The following ETS1 variants were observed in gnomAD, a reference collection of about 807,000 sequenced individuals.
The protein encoded by ETS1 is ETS proto-oncogene 1, transcription factor.
A neutral mutation model predicts 58.6 loss-of-function variants in ETS1; 15 were observed. The ratio of observed to expected loss-of-function variants is 0.26; its 90% CI spans 0.17 to 0.39. The LOEUF is 0.39. ETS1 is among the 10% of genes least tolerant of loss of function. The pLI, the probability that ETS1 is intolerant of heterozygous loss-of-function variation, is 1.00. For missense variants in ETS1, 417 were observed against 610.5 expected (o/e 0.68, Z 3.34); for synonymous variants, 214 against 218.2 (o/e 0.98, Z 0.17).
chr11:128,580,754 A>G (rs959484654), intron 1 of ETS1, among the ~76,000 whole-genome samples: 5 of 152,230 alleles, frequency 3.3e-5, no homozygotes, highest in African/African-American at 4.8e-5. Context: ...GTTACAGAGC[A>G]GCAACTCACA....
chr11:128,521,230 T>C (rs1281219533), intron 3 of ETS1, among the ~76,000 whole-genome samples: 1 of 152,108 alleles, frequency 6.6e-6, no homozygotes, highest in African/African-American at 2.4e-5. Context: ...CAAAGTCACA[T>C]TTGGGTGTTT....
At chr11:128,534,662 T>C (rs1393670655) in intron 3 of ETS1, among the ~76,000 whole-genome samples, 1 of 152,216 alleles carries the variant, frequency 6.6e-6, no homozygotes, top group Non-Finnish European at 1.5e-5. Flanking sequence ...CACTGATAAG[T>C]AAGAACAGAC....
chr11:128,568,725 T>G (rs900104115), intron 2 of ETS1, among the ~76,000 whole-genome samples: 5 of 152,210 alleles, frequency 3.3e-5, no homozygotes, highest in African/African-American at 1.2e-4. Context: ...TTTTAACCAC[T>G]GTGGCTCCCA....
intron 3 of ETS1, among the ~76,000 whole-genome samples, chr11:128,496,215 T>C (rs536424256): frequency 6.6e-6 from 1 of 152,216 alleles, no homozygotes; most frequent in Non-Finnish European, 1.5e-5. Context: ...TTGGCCCACT[T>C]GAACCACAGA....
chr11:128,482,692 C>CA (rs1862519750), intron 7 of ETS1, among the ~76,000 whole-genome samples: 1 of 152,074 alleles, frequency 6.6e-6, no homozygotes, highest in Admixed American at 6.5e-5. Flanking sequence ...GTATTTTCTC[C>CA]AAAAATGGGT....
At position 128,509,618 on chromosome 11, in the gene ETS1, A is replaced by C. The variant is rs572753125; in HGVS notation, c.215-19042T>G. 2.7e-5 allele frequency among the ~76,000 whole-genome samples: 4 copies of C among 148,312 alleles called. No individual in the cohort carries two copies. The East Asian group carries it at 7.9e-4, about 29-fold the overall frequency. On this transcript the variant is annotated intron_variant, in intron 3 of 9. Coordinates refer to ENST00000392668, the MANE Select transcript of ETS1 (RefSeq NM_001143820.2). ...CACATCCCAATGGTAGATATGTATA[A>C]GTGAAATGAGTGCGTTCTTCCTGCC...
intron 3 of ETS1, chr11:128,526,757 G>A: frequency 2.9e-6 from 1 of 348,656 alleles, no homozygotes; most frequent in South Asian, 2.1e-5. Context: ...AAAAGTGACA[G>A]TTTAAATTCT....
chr11:128,483,992 C>A (rs1443303190), intron 7 of ETS1, among the ~76,000 whole-genome samples: 4 of 152,168 alleles, frequency 2.6e-5, no homozygotes, highest in African/African-American at 2.4e-5. Context: ...CCCTTTCTTA[C>A]AATAGATTGC....
intron 3 of ETS1, among the ~76,000 whole-genome samples, chr11:128,498,916 T>A (rs1218266680): frequency 6.6e-6 from 1 of 152,252 alleles, no homozygotes; most frequent in African/African-American, 2.4e-5. Context: ...TACTTTATAG[T>A]TCCTAAATGT....
intron 3 of ETS1, among the ~76,000 whole-genome samples, chr11:128,524,497 G>A (rs748299871): frequency 6.6e-6 from 1 of 152,130 alleles, no homozygotes. Flanking sequence ...TGGATGAAGA[G>A]CACTAATAAG....
In ETS1 at chr11:128,509,654, C is replaced by T. The variant is rs554565981; in HGVS notation, c.215-19078G>A. On this transcript the variant is annotated intron_variant, in intron 3 of 9. Transcript: ENST00000392668. ...TGCGTTCTTCCTGCCCCTATAATGA[C>T]AAGCCTGACAGAGAACACATCACAC... Among the ~76,000 whole-genome samples the T allele has an allele frequency of 5.4e-5, 8 of 147,712 alleles. No homozygotes were observed. In the South Asian group the frequency reaches 1.7e-3, roughly 32 times the overall value.
rs1863702276 is a variant in ETS1 at position 128,522,293 on chromosome 11, T to C, written c.215-31717A>G. 2.6e-5 allele frequency: 29 copies of C among 1,096,086 alleles called. No individual in the cohort carries two copies. The South Asian group carries it at 9.3e-4, about 35-fold the overall frequency. 67.9% of individuals were successfully genotyped at this position (1,096,086 alleles called of 1,614,324 possible). A position where few individuals can be genotyped will look rare whatever the true frequency, so the allele number is the denominator to read the frequency against. On this transcript the variant is annotated intron_variant, in intron 3 of 9. Transcript: ENST00000392668. The stretch of plus-strand genomic sequence containing the variant: ...TCCCTCCTCTCCGCCGGCGGCTGCC[T>C]CGTTCGCTCTCGATCTCCCGGCCGC...
intron 8 of ETS1, among the ~76,000 whole-genome samples, chr11:128,468,110 G>A (rs1862086106): frequency 6.6e-6 from 1 of 152,178 alleles, no homozygotes; most frequent in South Asian, 2.1e-4. Context: ...GTAGGAACTT[G>A]GAGAGCTCCC....
intron 5 of ETS1, among the ~76,000 whole-genome samples, chr11:128,488,434 C>T (rs181120125): frequency 2.0e-5 from 3 of 152,190 alleles, no homozygotes; most frequent in Admixed American, 2.0e-4. Context: ...AAGTGCTAAT[C>T]CTGAGTTTTG....
intron 8 of ETS1, among the ~76,000 whole-genome samples, chr11:128,468,580 A>G (rs1355236700): frequency 6.6e-6 from 1 of 152,078 alleles, no homozygotes; most frequent in African/African-American, 2.4e-5. Flanking sequence ...TTCAACCACA[A>G]GTTCTCACTC....
chr11:128,521,928 G>T (rs1202062176), intron 3 of ETS1: 3 of 1,605,796 alleles, frequency 1.9e-6, no homozygotes, highest in South Asian at 2.2e-5. Flanking sequence ...GAGGGGAAAA[G>T]CTCCAGATCG....
chr11:128,587,170 CAAAAA>C (rs5795624), intron 1 of ETS1, among the ~76,000 whole-genome samples: 1 of 139,254 alleles, frequency 7.2e-6, no homozygotes, highest in Non-Finnish European at 1.6e-5. Context: ...CTCCAATTTG[CAAAAA>C]AAAAAAAAAA....
At chr11:128,462,602 G>A (rs1209365583) in intron 9 of ETS1, 26 bp from the exon 10 acceptor site, 1 of 1,597,434 alleles carries the variant, frequency 6.3e-7, no homozygotes, top group Non-Finnish European at 8.6e-7. Flanking sequence ...AAAAATAAAG[G>A]AGGAGTAGGC....
intron 3 of ETS1, among the ~76,000 whole-genome samples, chr11:128,523,463 C>A (rs988807239): frequency 1.3e-5 from 2 of 152,218 alleles, no homozygotes; most frequent in Admixed American, 1.3e-4. Context: ...AAACATAAAT[C>A]TTCCTGAGCA....
Sources: allele counts gnomAD v4.1 joint callset (sites outside exome capture counted in the v4.1 genomes callset), GRCh38; gene constraint gnomAD v4.1.1; transcripts MANE v1.5; gene names NCBI Gene and HGNC (gene_info 2026-07-23, HGNC 2026-07-21).